FBN2: variants seen among roughly 807,000 people sequenced by gnomAD.
FBN2 encodes fibrillin 2.
Under a neutral mutation model 355.6 loss-of-function variants are expected in FBN2, and 105 were observed. The ratio of observed to expected loss-of-function variants is 0.30; its 90% CI spans 0.25 to 0.35. The LOEUF is 0.35. FBN2 is among the 10% of genes least tolerant of loss of function. The probability of loss-of-function intolerance (pLI) is 1.00; values close to 1 mark genes in which losing one functional copy is unlikely to be tolerated. For missense variants in FBN2, 3,280 were observed against 3,758.7 expected, an observed-to-expected ratio of 0.87 and a Z score of 3.33; for synonymous variants, 1,350 against 1,301.2, an observed-to-expected ratio of 1.04 and a Z score of -0.81.
Position 128,263,451 on chromosome 5 carries a change from G to C in FBN2, c.8166C>G (p.Pro2722=), listed in dbSNP as rs891041897. ...NTEGGYLCGC[P]PGYYRVGQGH... ...CTTGTCCCACTCTGTAATACCCAGG[G>C]GGGCAGCCACAGAGGTAGCCCCCCT... is the stretch of plus-strand genomic sequence containing the variant. The change falls in exon 63 of 65, where the codon CCC becomes CCG. Residue 2722 remains proline, a synonymous_variant. Coordinates refer to ENST00000262464, the MANE Select transcript of FBN2 (RefSeq NM_001999.4). 2 of 1,613,842 alleles carry C rather than the reference G, an allele frequency of 1.2e-6. No homozygotes were observed. Among genetic ancestry groups the C allele is most frequent in the Non-Finnish European group, 1.7e-6 (2 of 1,179,880 alleles).
In FBN2 at chr5:128,259,389, A is replaced by T; in HGVS notation, c.*66T>A. ...TTTTCCTCTTTAAAATTAGTCCTTG[A>T]CTTTTCAAATGCTTCTGCAGACTGG... On this transcript the variant is annotated 3_prime_UTR_variant, in exon 65 of 65. Coordinates refer to ENST00000262464, the MANE Select transcript of FBN2 (RefSeq NM_001999.4). 1 of 1,583,264 alleles carries T rather than the reference A, an allele frequency of 6.3e-7. No individual in the cohort carries two copies. The highest frequency in any genetic ancestry group is 1.1e-5 in the South Asian group (1 of 90,280).
chr5:128,374,962 A>G (rs1406359821), intron 14 of FBN2, among the ~76,000 whole-genome samples: 2 of 152,218 alleles, frequency 1.3e-5, no homozygotes, highest in Non-Finnish European at 1.5e-5. Flanking sequence ...AGGAAAAAAA[A>G]GCCTCACAAT....
chr5:128,421,842 C>T (rs1355433422), intron 7 of FBN2, among the ~76,000 whole-genome samples: 1 of 152,138 alleles, frequency 6.6e-6, no homozygotes, highest in Admixed American at 6.5e-5. Flanking sequence ...TATTTAGAAC[C>T]TATCAGTATG....
At chr5:128,357,057 AT>A (rs1751519256) in intron 20 of FBN2, among the ~76,000 whole-genome samples, 1 of 152,242 alleles carries the variant, frequency 6.6e-6, no homozygotes, top group Admixed American at 6.5e-5. Flanking sequence ...ATCTACTTAT[AT>A]AAAAGGAAGA....
chr5:128,416,157 C>A (rs1352335901), intron 7 of FBN2, among the ~76,000 whole-genome samples: 1 of 151,966 alleles, frequency 6.6e-6, no homozygotes, highest in Non-Finnish European at 1.5e-5. Flanking sequence ...TCCCAAGTAG[C>A]TAGGATTACA....
At chr5:128,513,963 G>C (rs900785561) in intron 5 of FBN2, among the ~76,000 whole-genome samples, 9 of 151,976 alleles carry the variant, frequency 5.9e-5, no homozygotes, top group African/African-American at 2.2e-4. Context: ...TTAAGGCTAA[G>C]TTTAGCTTAG....
In FBN2 at chr5:128,527,897, T is replaced by C; in HGVS notation, c.507A>G (p.Gly169=). 1 of 1,611,562 alleles carries C rather than the reference T, an allele frequency of 6.2e-7. No individual in the cohort carries two copies. The highest frequency in any genetic ancestry group is 8.5e-7 in the Non-Finnish European group (1 of 1,178,020). ...GTTGTCCACAATAAGTTCCAATATA[T>C]CCTTTCTGGCACTGGCAGTGGTCAT... ...CADDHCQCQK[G]YIGTYCGQPV... is the part of the protein sequence containing the mutation. The change falls in exon 4 of 65, where the codon GGA becomes GGG. Residue 169 remains glycine, a synonymous_variant. Transcript: ENST00000262464.
intron 12 of FBN2, 124 bp from the exon 13 acceptor site, chr5:128,378,001 C>T (rs891120014): frequency 1.2e-6 from 1 of 864,724 alleles, no homozygotes; most frequent in Non-Finnish European, 1.7e-6. Flanking sequence ...ATTTCTGTCT[C>T]TCAGCAGTTT....
chr5:128,296,675 A>G (rs1265383276), intron 48 of FBN2, among the ~76,000 whole-genome samples: 3 of 152,142 alleles, frequency 2.0e-5, no homozygotes, highest in South Asian at 4.2e-4. Flanking sequence ...TGTGGGATCG[A>G]TGGTGATATC....
chr5:128,500,744 G>A (rs930892039), intron 5 of FBN2, among the ~76,000 whole-genome samples: 5 of 151,990 alleles, frequency 3.3e-5, no homozygotes, highest in African/African-American at 1.2e-4. Context: ...GCGCCCGGCC[G>A]AAATCTGACT....
chr5:128,362,804 T>C (rs1751671989), intron 18 of FBN2, among the ~76,000 whole-genome samples: 2 of 152,144 alleles, frequency 1.3e-5, no homozygotes, highest in African/African-American at 4.8e-5. Flanking sequence ...TTTGCAAGTG[T>C]AGTTAGTGAC....
At chr5:128,288,614 C>A in intron 52 of FBN2, 57 bp from the exon 53 acceptor site, 1 of 1,585,332 alleles carries the variant, frequency 6.3e-7, no homozygotes, top group Non-Finnish European at 8.6e-7. Context: ...CAGGAGAATG[C>A]CCAGGAAGAC....
intron 5 of FBN2, among the ~76,000 whole-genome samples, chr5:128,504,628 G>A (rs1410752230): frequency 6.6e-6 from 1 of 152,188 alleles, no homozygotes; most frequent in Non-Finnish European, 1.5e-5. Context: ...GTCCCATTTG[G>A]AACAGGTGTA....
intron 4 of FBN2, among the ~76,000 whole-genome samples, chr5:128,523,491 C>T (rs1056287800): frequency 5.3e-5 from 8 of 152,076 alleles, no homozygotes; most frequent in Admixed American, 2.0e-4. Context: ...TTATCTAAGC[C>T]TATGATTAAA....
intron 25 of FBN2, chr5:128,339,338 G>T (rs138839469): frequency 5.0e-6 from 2 of 397,444 alleles, no homozygotes; most frequent in Non-Finnish European, 9.6e-6. Context: ...AACAGAAAAG[G>T]GGGGCATGGT....
intron 7 of FBN2, among the ~76,000 whole-genome samples, chr5:128,415,364 C>G (rs1753167511): frequency 6.6e-6 from 1 of 152,136 alleles, no homozygotes; most frequent in Admixed American, 6.5e-5. Flanking sequence ...CCACTATGGC[C>G]AAACATCCTT....
rs57791023 is a variant in FBN2 at position 128,275,442 on chromosome 5, ATT to A, written c.7594+594_7594+595del. Among the ~76,000 whole-genome samples the A allele has an allele frequency of 2.9e-3, 418 of 144,688 alleles. 2 individuals are homozygous for A. Among genetic ancestry groups the A allele is most frequent in the Middle Eastern group, 7.3e-3 (2 of 274 alleles). The allele number at this position is 144,688 out of a possible 152,430, so 94.9% of individuals were successfully genotyped here. A position where few individuals can be genotyped will look rare whatever the true frequency, so the allele number is the denominator to read the frequency against. The stretch of plus-strand genomic sequence containing the variant: ...ACAGGTCCAAGCGGTGCTTGCTATT[ATT>A]TTTTTTTTTTTTGATATGCCTTGGA... On this transcript the variant is annotated intron_variant, in intron 59 of 64. Transcript: ENST00000262464.
rs764623565 is a variant in FBN2 at position 128,537,490 on chromosome 5, G to A, written c.114C>T (p.Pro38=). The change falls in exon 1 of 65, where the codon CCC becomes CCT. Residue 38 remains proline (P), a synonymous_variant. Coordinates refer to ENST00000262464, the MANE Select transcript of FBN2 (RefSeq NM_001999.4). The part of the protein sequence containing the change: ...GQPQPPPPKP[P]RPQPPPQQVR... ...CCTGTTGCGGCGGCGGCTGGGGCCG[G>A]GGCGGCTTGGGCGGAGGAGGCTGAG... 6.3e-7 allele frequency: 1 copy of A among 1,584,828 alleles called. No individual in the cohort carries two copies.
At chr5:128,264,194 A>T (rs887797946) in intron 62 of FBN2, among the ~76,000 whole-genome samples, 1 of 152,196 alleles carries the variant, frequency 6.6e-6, no homozygotes, top group African/African-American at 2.4e-5. Flanking sequence ...TATATCAATT[A>T]AAAAAGTCCC....
Sources: gnomAD v4.1 joint callset for allele counts (sites outside exome capture counted in the v4.1 genomes callset) on GRCh38, gnomAD v4.1.1 for gene constraint, MANE v1.5 for transcripts, NCBI Gene and HGNC (gene_info 2026-07-23, HGNC 2026-07-21) for gene names.